Variants in NCKAP5 observed in about 807,000 individuals in gnomAD.
The protein encoded by NCKAP5 is NCK associated protein 5.
In NCKAP5, 92 loss-of-function variants were observed where a neutral mutation model predicts 167.0. The ratio of observed to expected loss-of-function variants is 0.55; its 90% CI spans 0.47 to 0.66. NCKAP5 has a LOEUF of 0.66. Among genes scored for constraint, NCKAP5 ranks in the 30% least tolerant of loss-of-function variants. The probability of loss-of-function intolerance (pLI) is 0.00; values close to 1 mark genes in which losing one functional copy is unlikely to be tolerated. For synonymous variants in NCKAP5, 891 were observed against 877.4 expected, an observed-to-expected ratio of 1.02 and a Z score of -0.27; for missense variants, 2,378 against 2,315.0, an observed-to-expected ratio of 1.03 and a Z score of -0.56.
intron 3 of NCKAP5, among the ~76,000 whole-genome samples, chr2:133,510,980 A>C (rs538548270): frequency 9.2e-5 from 14 of 152,320 alleles, no homozygotes; most frequent in African/African-American, 3.4e-4. Flanking sequence ...TGCCTAGCCT[A>C]TATTAAGCCT....
rs1261411496 is a variant in NCKAP5, at chr2:132,783,511, G to A, written c.3300C>T (p.Pro1100=). ...CATTTACCCCTAAGAAGGAAGGCTT[G>A]GGGGGTGTGGAGGCGCTATCATTCA... ...GQLNDSASTP[P]KPSFLGVNES... Residue 1100 remains proline, a synonymous_variant, in exon 14 of 20, where the codon CCC becomes CCT. Transcript: ENST00000409261. 6.2e-7 allele frequency: 1 copy of A among 1,611,794 alleles called. No homozygotes were observed. Among genetic ancestry groups the A allele is most frequent in the Admixed American group, 1.7e-5 (1 of 59,854 alleles).
At chr2:132,761,824 C>A (rs1474657609) in intron 16 of NCKAP5, among the ~76,000 whole-genome samples, 1 of 152,080 alleles carries the variant, frequency 6.6e-6, no homozygotes, top group African/African-American at 2.4e-5. Context: ...CCCTATATAC[C>A]TCAAATCCCC....
intron 17 of NCKAP5, among the ~76,000 whole-genome samples, chr2:132,729,491 C>T (rs1050738352): frequency 5.3e-5 from 8 of 152,188 alleles, no homozygotes; most frequent in African/African-American, 1.9e-4. Flanking sequence ...AAACATCTCT[C>T]AGGGCAGTAC....
intron 5 of NCKAP5, among the ~76,000 whole-genome samples, chr2:133,201,561 T>A (rs893997571): frequency 6.6e-6 from 1 of 152,166 alleles, no homozygotes; most frequent in Admixed American, 6.6e-5. Flanking sequence ...GTGGTGGGTA[T>A]GTGGCTGACA....
the NCKAP5 span, among the ~76,000 whole-genome samples, chr2:133,674,113 G>A: frequency 3.1e-4 from 47 of 152,074 alleles, no homozygotes; most frequent in Non-Finnish European, 6.2e-4. Context: ...GATTCAGAGC[G>A]AATTCCCAAG....
At chr2:133,027,162 A>T (rs1160351541) in intron 6 of NCKAP5, among the ~76,000 whole-genome samples, 2 of 152,198 alleles carry the variant, frequency 1.3e-5, no homozygotes, top group African/African-American at 2.4e-5. Context: ...GGTAACCATT[A>T]ATATGACTAT....
At chr2:133,246,911 T>G (rs564660155) in intron 4 of NCKAP5, among the ~76,000 whole-genome samples, 1 of 152,290 alleles carries the variant, frequency 6.6e-6, no homozygotes, top group East Asian at 1.9e-4. Flanking sequence ...CTTAGGATTA[T>G]TTACTCCTCC....
intron 2 of NCKAP5, among the ~76,000 whole-genome samples, chr2:133,529,214 A>G (rs1406275201): frequency 6.6e-6 from 1 of 152,210 alleles, no homozygotes; most frequent in Non-Finnish European, 1.5e-5. Context: ...TAACAAATGT[A>G]TATAGAGTAT....
intron 3 of NCKAP5, among the ~76,000 whole-genome samples, chr2:133,413,033 G>C (rs548194958): frequency 2.0e-5 from 3 of 152,280 alleles, no homozygotes; most frequent in East Asian, 3.9e-4. Context: ...GCATATCATG[G>C]GCCAAAGCCT....
At chr2:133,433,332 A>T (rs1176017452) in intron 3 of NCKAP5, among the ~76,000 whole-genome samples, 2 of 152,198 alleles carry the variant, frequency 1.3e-5, no homozygotes, top group South Asian at 4.1e-4. Context: ...CTTTGACACT[A>T]CAACTTCTCT....
intron 4 of NCKAP5, among the ~76,000 whole-genome samples, chr2:133,296,798 G>A (rs1459278940): frequency 1.3e-5 from 2 of 152,072 alleles, no homozygotes; most frequent in African/African-American, 4.8e-5. Flanking sequence ...CTCCAGTCCA[G>A]TTTTCTTCCT....
rs1389452660 is a variant in NCKAP5 at position 132,798,586 on chromosome 2, C to T, written c.808-1857G>A. ...ATGAATGCACTTCATTATTATTTCT[C>T]AGATATATGATGTCACACTTTCACC... is the stretch of plus-strand genomic sequence containing the variant. On this transcript the variant is annotated intron_variant, in intron 11 of 19. Coordinates refer to ENST00000409261, the MANE Select transcript of NCKAP5 (RefSeq NM_207363.3). 3.9e-5 allele frequency among the ~76,000 whole-genome samples: 6 copies of T among 152,312 alleles called. No homozygotes were observed. The East Asian group carries it at 1.2e-3, about 29-fold the overall frequency.
intron 8 of NCKAP5, among the ~76,000 whole-genome samples, chr2:132,948,004 T>C (rs908578591): frequency 4.6e-5 from 7 of 152,180 alleles, no homozygotes; most frequent in Admixed American, 4.6e-4. Context: ...GCGAAGTCTT[T>C]CTCTGAACCA....
intron 6 of NCKAP5, among the ~76,000 whole-genome samples, chr2:133,054,918 T>A (rs952295485): frequency 6.6e-6 from 1 of 152,172 alleles, no homozygotes; most frequent in Non-Finnish European, 1.5e-5. Flanking sequence ...AAAACCCTGA[T>A]GAAAAGTGGC....
chr2:133,564,838 G>A (rs1437634087), intron 1 of NCKAP5, among the ~76,000 whole-genome samples: 1 of 152,140 alleles, frequency 6.6e-6, no homozygotes, highest in African/African-American at 2.4e-5. Context: ...GGAGTCAAGT[G>A]GAAATGAAGG....
chr2:132,838,026 A>G (rs960489007), intron 11 of NCKAP5, among the ~76,000 whole-genome samples: 2 of 152,050 alleles, frequency 1.3e-5, no homozygotes, highest in East Asian at 3.9e-4. Flanking sequence ...GATCCCTGTT[A>G]CTCTGGCCTT....
At chr2:132,897,985 G>T (rs116151561) in intron 8 of NCKAP5, among the ~76,000 whole-genome samples, 475 of 152,214 alleles carry the variant, frequency 3.1e-3, no homozygotes, top group African/African-American at 0.011. Flanking sequence ...AACAATAAAG[G>T]TTGCAGCATC....
intron 19 of NCKAP5, among the ~76,000 whole-genome samples, chr2:132,674,200 G>A (rs1004424507): frequency 2.0e-5 from 3 of 152,190 alleles, no homozygotes; most frequent in African/African-American, 7.2e-5. Context: ...CAGGAAAGAA[G>A]CAGGCCCGGG....
In NCKAP5 at chr2:132,785,358, A is replaced by G. The variant is rs1333773089; in HGVS notation, c.1453T>C (p.Leu485=). The G allele has an allele frequency of 8.7e-6, 14 of 1,613,842 alleles. No homozygotes were observed. Among genetic ancestry groups the G allele is most frequent in the African/African-American group, 1.3e-5 (1 of 74,946 alleles). ...TTTGGAACTGCTTGGAGCAATGCTA[A>G]GGTGGAAGGGTCATCGTCCGCATCA... ...HVDADDDPST[L]ALLQAVPNQS... The change falls in exon 14 of 20, where the codon TTA becomes CTA. Residue 485 remains leucine, a synonymous_variant. Coordinates refer to ENST00000409261, the MANE Select transcript of NCKAP5 (RefSeq NM_207363.3).
Sources: gnomAD v4.1 joint callset for allele counts (sites outside exome capture counted in the v4.1 genomes callset) on GRCh38, gnomAD v4.1.1 for gene constraint, MANE v1.5 for transcripts, NCBI Gene and HGNC (gene_info 2026-07-23, HGNC 2026-07-21) for gene names.